Variants in PRAG1 observed in about 807,000 individuals in gnomAD.
PRAG1 encodes PEAK1 related, kinase-activating pseudokinase 1.
Under a neutral mutation model 95.6 loss-of-function variants are expected in PRAG1, and 110 were observed. That is an observed-to-expected ratio of 1.15 (90% CI 0.99 to 1.35). The LOEUF is 1.35. Among genes scored for constraint, PRAG1 ranks in the 40% most tolerant of loss-of-function variants. The probability of loss-of-function intolerance (pLI) is 0.00; values close to 1 mark genes in which losing one functional copy is unlikely to be tolerated. For synonymous variants in PRAG1, 1,052 were observed against 819.4 expected, an observed-to-expected ratio of 1.28 and a Z score of -4.85; for missense variants, 2,554 against 1,864.7, an observed-to-expected ratio of 1.37 and a Z score of -6.81.
chr8:8,327,633 C>T, intron 5 of PRAG1, 77 bp downstream of exon 5: 1 of 1,490,784 alleles, frequency 6.7e-7, no homozygotes, highest in Non-Finnish European at 9.0e-7. Flanking sequence ...GGTGAAATGA[C>T]TTGCTCAGGC....
chr8:8,342,881 A>G (rs985437965), intron 3 of PRAG1, among the ~76,000 whole-genome samples: 1 of 152,180 alleles, frequency 6.6e-6, no homozygotes, highest in Non-Finnish European at 1.5e-5. Context: ...AAAAATAGCA[A>G]TATAAAGAAA....
intron 4 of PRAG1, 84 bp downstream of exon 4, chr8:8,339,394 C>A (rs921425248): frequency 2.4e-5 from 34 of 1,441,584 alleles, no homozygotes; most frequent in Non-Finnish European, 2.9e-5. Context: ...CCTTGCTCAG[C>A]CCTTCCAATC....
chr8:8,346,983 A>G (rs919015277), intron 3 of PRAG1, among the ~76,000 whole-genome samples: 1 of 152,252 alleles, frequency 6.6e-6, no homozygotes, highest in Non-Finnish European at 1.5e-5. Flanking sequence ...AAGTTTAGTA[A>G]TGATCTGGAG....
intron 1 of PRAG1, among the ~76,000 whole-genome samples, chr8:8,382,896 T>C (rs75350293): frequency 3.5e-4 from 54 of 152,300 alleles, no homozygotes; most frequent in Middle Eastern, 3.4e-3. Flanking sequence ...GAAGCCAACT[T>C]TGCAGGCGGC....
At position 8,318,353 on chromosome 8, in the gene PRAG1, C is replaced by G. The variant is rs763154909; in HGVS notation, c.4022G>C (p.Gly1341Ala). 1 of 1,613,950 alleles carries G rather than the reference C, an allele frequency of 6.2e-7. No individual in the cohort carries two copies. The highest frequency in any genetic ancestry group is 1.1e-5 in the South Asian group (1 of 91,074). Reference sequence around the variant, plus strand: ...GCCGCACAGCGCCTCCTCCGAGGTGCCCGGCTGCTGCACCAGCTCGCGCCG... The same window carrying G: ...GCCGCACAGCGCCTCCTCCGAGGTGGCCGGCTGCTGCACCAGCTCGCGCCG... ...GPRRELVQQP[G>A]TSEEALCGTL... is the part of the protein sequence containing the mutation. Residue 1341 changes from glycine to alanine, a missense_variant, in exon 6 of 6, where the codon GGC becomes GCC. Coordinates refer to ENST00000615670, the MANE Select transcript of PRAG1 (RefSeq NM_001080826.3). The surrounding 1 kb of genome is among the most constrained non-coding windows in gnomAD (Gnocchi z 4.2).
chr8:8,352,997 G>C (rs559919110), intron 3 of PRAG1, among the ~76,000 whole-genome samples: 1 of 152,192 alleles, frequency 6.6e-6, no homozygotes, highest in South Asian at 2.1e-4. Flanking sequence ...ATAATAAAGG[G>C]GGTGATTTAT....
chr8:8,333,764 TCCC>T (rs1429888547), intron 4 of PRAG1, among the ~76,000 whole-genome samples: 1 of 152,194 alleles, frequency 6.6e-6, no homozygotes, highest in Non-Finnish European at 1.5e-5. Context: ...AAGGGCAGCG[TCCC>T]AACTAAGTCT....
intron 5 of PRAG1, among the ~76,000 whole-genome samples, chr8:8,323,848 A>G (rs1389889686): frequency 6.6e-6 from 1 of 152,114 alleles, no homozygotes; most frequent in Non-Finnish European, 1.5e-5. Context: ...CTTCCCTTAC[A>G]CGTATCCAGA....
At position 8,381,572 on chromosome 8, in the gene PRAG1, C is replaced by T. The variant is rs368380729; in HGVS notation, c.176G>A (p.Arg59His). Residue 59 changes from arginine (R) to histidine (H), a missense_variant, in exon 2 of 6, where the codon CGC becomes CAC. Transcript: ENST00000615670. The stretch of plus-strand genomic sequence containing the variant: ...GCAGTTCTCAGGCCTGGGAGGCAGG[C>T]GCGGTGGAGGGGGCAGGCTGCCCGC... ...PRAGSLPPPP[R>H]LPPRPENCRL... is the part of the protein sequence containing the mutation. The T allele has an allele frequency of 1.9e-5, 30 of 1,614,042 alleles. No individual in the cohort carries two copies. Among genetic ancestry groups the T allele is most frequent in the African/African-American group, 6.7e-5 (5 of 74,922 alleles).
At chr8:8,327,651 C>G (rs1798673076) in intron 5 of PRAG1, 59 bp downstream of exon 5, 1 of 1,552,794 alleles carries the variant, frequency 6.4e-7, no homozygotes, top group Non-Finnish European at 8.7e-7. Flanking sequence ...GGCCACAGTT[C>G]TGCCCAAGCC....
chr8:8,377,249 G>C lies in PRAG1; in HGVS notation c.1160C>G (p.Pro387Arg). The C allele has an allele frequency of 1.2e-6, 2 of 1,612,888 alleles. No homozygotes were observed. Among genetic ancestry groups the C allele is most frequent in the Non-Finnish European group, 1.7e-6 (2 of 1,179,982 alleles). The change falls in exon 3 of 6, where the codon CCT becomes CGT. Residue 387 changes from proline (P) to arginine (R), a missense_variant. By Grantham distance (103) the Pro-to-Arg change is moderately radical (BLOSUM62 -2). Coordinates refer to ENST00000615670, the MANE Select transcript of PRAG1 (RefSeq NM_001080826.3). ...CCCCGTCAGCCCAAGGCATCTGCTAGGGGTCACCCCTGGGCAGCCAGGGTC... is the reference window on the plus strand; with the variant it reads ...CCCCGTCAGCCCAAGGCATCTGCTACGGGTCACCCCTGGGCAGCCAGGGTC... ...QQDPGCPGVT[P>R]SRCLGLTGEP...
intron 1 of PRAG1, among the ~76,000 whole-genome samples, chr8:8,384,652 T>G (rs1396551673): frequency 6.6e-6 from 1 of 150,444 alleles, no homozygotes; most frequent in Non-Finnish European, 1.5e-5. Context: ...CCGTTGCACT[T>G]CTGTGCCTGG....
At chr8:8,342,708 T>G (rs932650975) in intron 3 of PRAG1, among the ~76,000 whole-genome samples, 2 of 152,056 alleles carry the variant, frequency 1.3e-5, no homozygotes, top group African/African-American at 4.8e-5. Context: ...ACCAGCTATT[T>G]ATGATGTGAA....
chr8:8,374,653 G>A, intron 3 of PRAG1: 1 of 985,314 alleles, frequency 1.0e-6, no homozygotes, highest in African/African-American at 1.7e-5. Context: ...GCTCATCTTA[G>A]CTGCTGAATC....
At chr8:8,378,662 C>G (rs1376948312) in intron 2 of PRAG1, among the ~76,000 whole-genome samples, 1 of 151,902 alleles carries the variant, frequency 6.6e-6, no homozygotes, top group African/African-American at 2.4e-5. Flanking sequence ...GAGTTCAAGA[C>G]GAGCCTGGGC....
chr8:8,352,400 G>C (rs999683148), intron 3 of PRAG1, among the ~76,000 whole-genome samples: 1 of 152,168 alleles, frequency 6.6e-6, no homozygotes, highest in African/African-American at 2.4e-5. Flanking sequence ...GCTTCTCCAG[G>C]AAAAAGTCCA....
intron 3 of PRAG1, among the ~76,000 whole-genome samples, chr8:8,372,438 T>C (rs530254394): frequency 1.3e-5 from 2 of 152,256 alleles, no homozygotes; most frequent in Non-Finnish European, 2.9e-5. Flanking sequence ...TTCTGCCTTA[T>C]ATTGGGACAG....
At chr8:8,343,566 T>C (rs1484582816) in intron 3 of PRAG1, among the ~76,000 whole-genome samples, 2 of 152,240 alleles carry the variant, frequency 1.3e-5, no homozygotes, top group South Asian at 4.1e-4. Flanking sequence ...GATGTGTGTT[T>C]GTTGGGTCAT....
At chr8:8,333,101 C>G (rs945429608) in intron 4 of PRAG1, among the ~76,000 whole-genome samples, 2 of 152,210 alleles carry the variant, frequency 1.3e-5, no homozygotes, top group East Asian at 3.8e-4. Context: ...CAGACACATC[C>G]TGGTTTGATG....
Sources: gnomAD v4.1 joint callset for allele counts (sites outside exome capture counted in the v4.1 genomes callset) on GRCh38, gnomAD v4.1.1 for gene constraint, Gnocchi (gnomAD v3.1) non-coding constraint, MANE v1.5 for transcripts, NCBI Gene and HGNC (gene_info 2026-07-23, HGNC 2026-07-21) for gene names.